The following SGSM1 variants were observed in gnomAD, a reference collection of about 807,000 sequenced individuals.
SGSM1 encodes the protein small G protein signaling modulator 1.
A neutral mutation model predicts 133.8 loss-of-function variants in SGSM1; 73 were observed. The ratio of observed to expected loss-of-function variants is 0.55; its 90% CI spans 0.45 to 0.66. The LOEUF (loss-of-function observed/expected upper bound fraction) is 0.66. SGSM1 is among the 30% of genes least tolerant of loss of function. The pLI is 0.00. For missense variants in SGSM1, 1,213 were observed against 1,448.1 expected (o/e 0.84, Z 2.64); for synonymous variants, 563 against 573.0 (o/e 0.98, Z 0.25).
chr22:24,904,252 G>A (rs1332746416), intron 20 of SGSM1, among the ~76,000 whole-genome samples: 1 of 152,026 alleles, frequency 6.6e-6, no homozygotes, highest in Non-Finnish European at 1.5e-5. Flanking sequence ...CTGTGAAATG[G>A]GATAGTCCAT....
chr22:24,841,740 C>A (rs912149974), intron 2 of SGSM1, among the ~76,000 whole-genome samples: 1 of 152,200 alleles, frequency 6.6e-6, no homozygotes, highest in African/African-American at 2.4e-5. Flanking sequence ...TTGACTGAAT[C>A]TTTAGAAGTT....
intron 22 of SGSM1, among the ~76,000 whole-genome samples, chr22:24,915,322 G>T (rs60914238): frequency 0.021 from 3,230 of 152,288 alleles, 111 homozygotes; most frequent in African/African-American, 0.074. Flanking sequence ...CTTTGCTTGG[G>T]CATCTACTCA....
intron 2 of SGSM1, among the ~76,000 whole-genome samples, chr22:24,828,688 CAG>C (rs1386414214): frequency 2.0e-5 from 3 of 152,144 alleles, no homozygotes; most frequent in Admixed American, 6.5e-5. Flanking sequence ...GACCTAAAGA[CAG>C]AAATACCATT....
intron 15 of SGSM1, among the ~76,000 whole-genome samples, chr22:24,886,332 C>T (rs922959509): frequency 2.0e-5 from 3 of 151,334 alleles, no homozygotes; most frequent in Non-Finnish European, 4.4e-5. Flanking sequence ...AACTGGGAGG[C>T]GGAGGTTGCA....
At chr22:24,860,557 G>A (rs1931064285) in intron 9 of SGSM1, among the ~76,000 whole-genome samples, 1 of 151,984 alleles carries the variant, frequency 6.6e-6, no homozygotes, top group East Asian at 1.9e-4. Context: ...ACAGAACTCA[G>A]GTACCCATCG....
intron 16 of SGSM1, among the ~76,000 whole-genome samples, chr22:24,887,749 G>C (rs763491856): frequency 2.0e-5 from 3 of 152,200 alleles, no homozygotes; most frequent in Non-Finnish European, 2.9e-5. Context: ...AACATCGGGA[G>C]ACCCTGTCTC....
At chr22:24,912,828 C>T in intron 22 of SGSM1, 76 bp downstream of exon 22, 1 of 941,004 alleles carries the variant, frequency 1.1e-6, no homozygotes, top group Non-Finnish European at 1.7e-6. Context: ...CCAGACTGAG[C>T]TATTTAGAGC....
rs374103900 is a variant in SGSM1, at chr22:24,825,977, G to A, written c.64-18920G>A. On this transcript the variant is annotated intron_variant, in intron 2 of 24. Transcript: ENST00000400358. Reference sequence around the variant, plus strand: ...CAGAGGAGCAGGGGACAGCTGGCCCGGGTGATTTTTATTTAGACCTACTGT... The same window carrying A: ...CAGAGGAGCAGGGGACAGCTGGCCCAGGTGATTTTTATTTAGACCTACTGT... Among the ~76,000 whole-genome samples the A allele has an allele frequency of 6.6e-5, 10 of 152,124 alleles. No homozygotes were observed. In the East Asian group the frequency reaches 1.2e-3, roughly 18 times the overall value.
At chr22:24,845,954 TTTCTTTCTTTC>T (rs1569144692) in intron 3 of SGSM1, among the ~76,000 whole-genome samples, 1,409 of 89,888 alleles carry the variant, frequency 0.016, 29 homozygotes, top group Non-Finnish European at 0.024. Context: ...TCTTTCTTTC[TTTCTTTCTTTC>T]TTTCTTTCTT....
intron 13 of SGSM1, among the ~76,000 whole-genome samples, chr22:24,878,591 A>G (rs1932152506): frequency 6.6e-6 from 1 of 152,206 alleles, no homozygotes; most frequent in Non-Finnish European, 1.5e-5. Context: ...GAGAACAAAT[A>G]TGCAGATATT....
rs1930686018 is a variant in SGSM1 at position 24,855,039 on chromosome 22, G to A, written c.499G>A (p.Gly167Ser). ...AGCTCTCCTGATGGACCCTGTGGAC[G>A]GCCCCATCCTTGCATCTTTGTTGGG... ...KEALLMDPVD[G>S]PILASLLVGP... The change falls in exon 6 of 25, where the codon GGC becomes AGC. Residue 167 changes from glycine to serine, a missense_variant. Coordinates refer to ENST00000400358, the MANE Select transcript of SGSM1 (RefSeq NM_001098497.3). 5 of 1,613,328 alleles carry A rather than the reference G, an allele frequency of 3.1e-6. No homozygotes were observed. In the East Asian group the frequency reaches 6.7e-5, roughly 22 times the overall value.
At chr22:24,884,955 T>C (rs1932519244) in intron 15 of SGSM1, among the ~76,000 whole-genome samples, 1 of 148,892 alleles carries the variant, frequency 6.7e-6, no homozygotes, top group African/African-American at 2.5e-5. Flanking sequence ...TTTAGATAAT[T>C]TTTTTTTTTT....
At chr22:24,907,373 A>G (rs1168738507) in intron 21 of SGSM1, among the ~76,000 whole-genome samples, 1 of 152,166 alleles carries the variant, frequency 6.6e-6, no homozygotes, top group Non-Finnish European at 1.5e-5. Flanking sequence ...ACTACAAGGC[A>G]TTGTTGAAAT....
In SGSM1 at chr22:24,851,749, G is replaced by A. The variant is rs188804659; in HGVS notation, c.455+1317G>A. The stretch of plus-strand genomic sequence containing the variant: ...TCCCAGTGGTCAGGGAAAGTGTCCT[G>A]GATGGCGCAACGGTTAAGCTTCCAT... On this transcript the variant is annotated intron_variant, in intron 5 of 24. Coordinates refer to ENST00000400358, the MANE Select transcript of SGSM1 (RefSeq NM_001098497.3). Among the ~76,000 whole-genome samples, 28 of 152,314 alleles carry A rather than the reference G, an allele frequency of 1.8e-4. No individual in the cohort carries two copies. The East Asian group carries it at 4.6e-3, about 25-fold the overall frequency.
chr22:24,902,032 C>G, intron 20 of SGSM1, 75 bp downstream of exon 20: 1 of 1,444,186 alleles, frequency 6.9e-7, no homozygotes, highest in South Asian at 1.3e-5. Context: ...GGGGGCCCGC[C>G]TAGAAGTTAT....
chr22:24,903,719 C>T (rs543402744), intron 20 of SGSM1, among the ~76,000 whole-genome samples: 61 of 152,170 alleles, frequency 4.0e-4, no homozygotes, highest in African/African-American at 1.2e-3. Flanking sequence ...AGGCTGGGCA[C>T]GGCGGCTCAT....
At chr22:24,845,094 C>G in intron 3 of SGSM1, 122 bp downstream of exon 3, 2 of 836,136 alleles carry the variant, frequency 2.4e-6, no homozygotes, top group Non-Finnish European at 3.8e-6. Context: ...GAGGGGGACT[C>G]GATTGGAGAA....
At chr22:24,857,139 C>A (rs1930843473) in intron 8 of SGSM1, among the ~76,000 whole-genome samples, 1 of 151,012 alleles carries the variant, frequency 6.6e-6, no homozygotes, top group African/African-American at 2.4e-5. Context: ...TGTGGTGGCT[C>A]ATGCCTGTAA....
At chr22:24,869,049 TAA>T (rs1201857583) in intron 12 of SGSM1, among the ~76,000 whole-genome samples, 194 bp downstream of exon 12, 2 of 152,096 alleles carry the variant, frequency 1.3e-5, no homozygotes, top group African/African-American at 4.8e-5. Flanking sequence ...ACTTGTCTAA[TAA>T]AGTTGCCACT....
Sources: allele counts gnomAD v4.1 joint callset (sites outside exome capture counted in the v4.1 genomes callset), GRCh38; gene constraint gnomAD v4.1.1; transcripts MANE v1.5; gene names NCBI Gene and HGNC (gene_info 2026-07-23, HGNC 2026-07-21).